MBD3L2B: variants seen among roughly 807,000 people sequenced by gnomAD.
MBD3L2B encodes the protein methyl-CpG-binding domain protein 3-like 2B.
For synonymous variants in MBD3L2B, 50 were observed against 31.6 expected, an observed-to-expected ratio of 1.58 and a Z score of -1.95; for missense variants, 127 against 78.7, an observed-to-expected ratio of 1.61 and a Z score of -2.32.
rs1270985767 is a variant in MBD3L2B, at chr19:7,019,320, C to A, written c.456G>T (p.Gly152=). The change falls in exon 2 of 2, where the codon GGG becomes GGT. Residue 152 remains glycine, a synonymous_variant. Transcript: ENST00000636986. The stretch of plus-strand genomic sequence containing the variant: ...GCTGACAACCCATTCCTGGGGTTGG[C>A]CCCCCTGCCACAGCTGGAAACCGCC... ...TPGRFPAVAG[G]PTPGMGCQLP... The A allele has an allele frequency of 4.4e-6, 3 of 688,668 alleles. No individual in the cohort carries two copies. Among genetic ancestry groups the A allele is most frequent in the Non-Finnish European group, 8.0e-6 (3 of 376,758 alleles). 42.7% of individuals were successfully genotyped at this position (688,668 alleles called of 1,614,324 possible).
At position 7,019,450 on chromosome 19, in the gene MBD3L2B, A is replaced by G. The variant is rs1250209515; in HGVS notation, c.326T>C (p.Leu109Pro). 6 of 549,878 alleles carry G rather than the reference A, an allele frequency of 1.1e-5. No homozygotes were observed. Among genetic ancestry groups the G allele is most frequent in the Non-Finnish European group, 1.9e-5 (6 of 314,658 alleles). The allele number at this position is 549,878 out of a possible 1,614,324, so 34.1% of individuals were successfully genotyped here. A position where few individuals can be genotyped will look rare whatever the true frequency, so the allele number is the denominator to read the frequency against. The change falls in exon 2 of 2, where the codon CTG becomes CCG. Residue 109 changes from leucine to proline, a missense_variant. Physicochemically the swap from Leu to Pro is moderately conservative, Grantham distance 98 (BLOSUM62 -3). Transcript: ENST00000636986. ...CSSQGEGSSP[L>P]HLESVLSILA... is the part of the protein sequence containing the mutation. Reference sequence around the variant, plus strand: ...GATACTTAAGACGCTCTCCAAATGCAGTGGACTTGAACCTTCTCCTTGGCT... The same window carrying G: ...GATACTTAAGACGCTCTCCAAATGCGGTGGACTTGAACCTTCTCCTTGGCT...
In MBD3L2B at chr19:7,019,249, C is replaced by T. The variant is rs543973148; in HGVS notation, c.527G>A (p.Arg176Gln). The T allele has an allele frequency of 9.3e-4, 665 of 716,078 alleles. 5 individuals carry two copies. The highest frequency in any genetic ancestry group is 6.3e-3 in the South Asian group (427 of 67,458). 44.4% of individuals were successfully genotyped at this position (716,078 alleles called of 1,614,324 possible). Residue 176 changes from arginine to glutamine, a missense_variant, in exon 2 of 2, where the codon CGG becomes CAG. Coordinates refer to ENST00000636986, the MANE Select transcript of MBD3L2B (RefSeq NM_001364674.2). Reference protein sequence around the residue: ...SGQLVTPADIRRQARRVKKAR... With the variant: ...SGQLVTPADIQRQARRVKKAR... ...TTTCTTCACCCTCCTGGCCTGTCTC[C>T]GGATATCTGCAGGAGTCACCAATTG...
Position 7,019,109 on chromosome 19 carries a change from G to T in MBD3L2B, c.*52C>A. 1 of 717,986 alleles carries T rather than the reference G, an allele frequency of 1.4e-6. No homozygotes were observed. Among genetic ancestry groups the T allele is most frequent in the Non-Finnish European group, 2.6e-6 (1 of 385,032 alleles). The allele number at this position is 717,986 out of a possible 1,614,324, so 44.5% of individuals were successfully genotyped here. On this transcript the variant is annotated 3_prime_UTR_variant, in exon 2 of 2. Transcript: ENST00000636986. Reference sequence around the variant, plus strand: ...CACTGACTCACCCCCCAACTGCGGGGCCACACCCCACAGCTTCTCAGCACC... The same window carrying T: ...CACTGACTCACCCCCCAACTGCGGGTCCACACCCCACAGCTTCTCAGCACC...
Position 7,019,055 on chromosome 19 carries a change from G to T in MBD3L2B, c.*106C>A. ...GCAGGAAAGAGGACGGGCATTAAAA[G>T]ATAGGGATTCAAAACCCAGGACTGT... On this transcript the variant is annotated 3_prime_UTR_variant, in exon 2 of 2. Transcript: ENST00000636986. The T allele has an allele frequency of 1.4e-6, 1 of 706,568 alleles. No individual in the cohort carries two copies. The highest frequency in any genetic ancestry group is 2.6e-6 in the Non-Finnish European group (1 of 380,718). 43.8% of individuals were successfully genotyped at this position (706,568 alleles called of 1,614,324 possible).
At position 7,019,064 on chromosome 19, in the gene MBD3L2B, TC is replaced by T; in HGVS notation, c.*96del. The T allele has an allele frequency of 7.1e-6, 5 of 709,126 alleles. No individual in the cohort carries two copies. The South Asian group carries it at 7.4e-5, about 11-fold the overall frequency. The allele number at this position is 709,126 out of a possible 1,614,324, so 43.9% of individuals were successfully genotyped here. ...AGGACGGGCATTAAAAGATAGGGAT[TC>T]AAAACCCAGGACTGTCCCCACTGAC... is the stretch of plus-strand genomic sequence containing the variant. On this transcript the variant is annotated 3_prime_UTR_variant, in exon 2 of 2. Transcript: ENST00000636986.
In MBD3L2B at chr19:7,019,562, C is replaced by G. The variant is rs1192005337; in HGVS notation, c.214G>C (p.Val72Leu). The change falls in exon 2 of 2, where the codon GTC becomes CTC. Residue 72 changes from valine (V) to leucine (L), a missense_variant. Physicochemically the swap from Val to Leu is conservative, Grantham distance 32 (BLOSUM62 1). Transcript: ENST00000636986. ...TGCTCGTCCCCTTTTCTGCGTCTGA[C>G]CTGGTTGTCAGGATGAGACCTGATC... ...TRIRSHPDNQ[V>L]RRRKGDEHLE... 2.3e-6 allele frequency: 1 copy of G among 443,858 alleles called. No homozygotes were observed. The highest frequency in any genetic ancestry group is 2.2e-5 in the South Asian group (1 of 45,370). 27.5% of individuals were successfully genotyped at this position (443,858 alleles called of 1,614,324 possible).
Position 7,019,040 on chromosome 19 carries a change from G to C in MBD3L2B, c.*121C>G. ...GTGTGACAATTCATAGCAGGAAAGA[G>C]GACGGGCATTAAAAGATAGGGATTC... is the stretch of plus-strand genomic sequence containing the variant. On this transcript the variant is annotated 3_prime_UTR_variant, in exon 2 of 2. Transcript: ENST00000636986. 1.4e-6 allele frequency: 1 copy of C among 697,026 alleles called. No individual in the cohort carries two copies. The highest frequency in any genetic ancestry group is 2.6e-6 in the Non-Finnish European group (1 of 377,744). The allele number at this position is 697,026 out of a possible 1,614,324, so 43.2% of individuals were successfully genotyped here.
chr19:7,020,255 CACA>C, intron 1 of MBD3L2B, among the ~76,000 whole-genome samples: 1 of 71,884 alleles, frequency 1.4e-5, no homozygotes, highest in Non-Finnish European at 3.6e-5. Flanking sequence ...TGCTTCAGGA[CACA>C]ACGTCATTTT....
chr19:7,019,389 T>G lies in MBD3L2B; in HGVS notation c.387A>C (p.Arg129Ser). 1.5e-6 allele frequency: 1 copy of G among 645,656 alleles called. No individual in the cohort carries two copies. Among genetic ancestry groups the G allele is most frequent in the Non-Finnish European group, 2.8e-6 (1 of 358,188 alleles). 40.0% of individuals were successfully genotyped at this position (645,656 alleles called of 1,614,324 possible). ...APGTAGESLD[R>S]AGAERVRSPL... The stretch of plus-strand genomic sequence containing the variant: ...GGCTGCGCACACGCTCAGCACCAGC[T>G]CTGTCCAGAGATTCACCGGCCGTCC... Residue 129 changes from arginine to serine, a missense_variant, in exon 2 of 2, where the codon AGA becomes AGC. Transcript: ENST00000636986.
chr19:7,018,969 T>C lies in MBD3L2B; in HGVS notation c.*192A>G. ...ACAAAACCATCCACTCCTTACACTG[T>C]TGCCTTTCAAATGCTTTTAATAAAG... On this transcript the variant is annotated 3_prime_UTR_variant, in exon 2 of 2. Transcript: ENST00000636986. 1 of 651,224 alleles carries C rather than the reference T, an allele frequency of 1.5e-6. No homozygotes were observed. Among genetic ancestry groups the C allele is most frequent in the Non-Finnish European group, 2.8e-6 (1 of 362,486 alleles). 40.3% of individuals were successfully genotyped at this position (651,224 alleles called of 1,614,324 possible).
In MBD3L2B at chr19:7,019,194, C is replaced by G. The variant is rs564957599; in HGVS notation, c.582G>C (p.Gln194His). 1.4e-6 allele frequency: 1 copy of G among 718,888 alleles called. No homozygotes were observed. Among genetic ancestry groups the G allele is most frequent in the Non-Finnish European group, 2.6e-6 (1 of 385,356 alleles). The allele number at this position is 718,888 out of a possible 1,614,324, so 44.5% of individuals were successfully genotyped here. ...KARERLAKAL[Q>H]ADRLARRAEM is the part of the protein sequence containing the mutation. ...CTGCCCGCCTGGCCAGCCTGTCTGCCTGCAAGGCCTTGGCCAGTCTCTCCC... is the reference window on the plus strand; with the variant it reads ...CTGCCCGCCTGGCCAGCCTGTCTGCGTGCAAGGCCTTGGCCAGTCTCTCCC... Residue 194 changes from glutamine to histidine, a missense_variant, in exon 2 of 2, where the codon CAG (glutamine) becomes CAC (histidine). Physicochemically the swap from Gln to His is conservative, Grantham distance 24. Coordinates refer to ENST00000636986, the MANE Select transcript of MBD3L2B (RefSeq NM_001364674.2).
Position 7,019,030 on chromosome 19 carries a change from G to A in MBD3L2B, c.*131C>T, listed in dbSNP as rs1976758848. 2.9e-6 allele frequency: 2 copies of A among 688,576 alleles called. No individual in the cohort carries two copies. Among genetic ancestry groups the A allele is most frequent in the African/African-American group, 3.5e-5 (2 of 56,984 alleles). 42.7% of individuals were successfully genotyped at this position (688,576 alleles called of 1,614,324 possible). On this transcript the variant is annotated 3_prime_UTR_variant, in exon 2 of 2. Coordinates refer to ENST00000636986, the MANE Select transcript of MBD3L2B (RefSeq NM_001364674.2). ...GAAGTACAAAGTGTGACAATTCATA[G>A]CAGGAAAGAGGACGGGCATTAAAAG...
chr19:7,019,352 T>A lies in MBD3L2B; in HGVS notation c.424A>T (p.Thr142Ser), dbSNP rs1384611853. 1 of 677,836 alleles carries A rather than the reference T, an allele frequency of 1.5e-6. No individual in the cohort carries two copies. Among genetic ancestry groups the A allele is most frequent in the Admixed American group, 2.1e-5 (1 of 47,880 alleles). 42.0% of individuals were successfully genotyped at this position (677,836 alleles called of 1,614,324 possible). A position where few individuals can be genotyped will look rare whatever the true frequency, so the allele number is the denominator to read the frequency against. ...AERVRSPLEPTPGRFPAVAGG... is the reference protein window; with the variant it reads ...AERVRSPLEPSPGRFPAVAGG... ...GCCACAGCTGGAAACCGCCCAGGGGTGGGCTCAAGCGGGCTGCGCACACGC... is the reference window on the plus strand; with the variant it reads ...GCCACAGCTGGAAACCGCCCAGGGGAGGGCTCAAGCGGGCTGCGCACACGC... Residue 142 changes from threonine (T) to serine (S), a missense_variant, in exon 2 of 2, where the codon ACC (threonine) becomes TCC (serine). Coordinates refer to ENST00000636986, the MANE Select transcript of MBD3L2B (RefSeq NM_001364674.2).
At position 7,018,997 on chromosome 19, in the gene MBD3L2B, C is replaced by G. The variant is rs1305888712; in HGVS notation, c.*164G>C. Reference sequence around the variant, plus strand: ...CCTTTCAAATGCTTTTAATAAAGAACTGGTGGGGAAGTACAAAGTGTGACA... The same window carrying G: ...CCTTTCAAATGCTTTTAATAAAGAAGTGGTGGGGAAGTACAAAGTGTGACA... On this transcript the variant is annotated 3_prime_UTR_variant, in exon 2 of 2. Coordinates refer to ENST00000636986, the MANE Select transcript of MBD3L2B (RefSeq NM_001364674.2). 3 of 661,514 alleles carry G rather than the reference C, an allele frequency of 4.5e-6. No homozygotes were observed. The highest frequency in any genetic ancestry group is 5.5e-6 in the Non-Finnish European group (2 of 365,672). 41.0% of individuals were successfully genotyped at this position (661,514 alleles called of 1,614,324 possible).
chr19:7,019,830 CCT>C lies in MBD3L2B; in HGVS notation c.46-102_46-101del. ...CAGCTCAGTGGAATCTTCCCACCAGCCTCTCTTTCTGGGGAAATGTGTCTCAA... is the reference window on the plus strand; with the variant it reads ...CAGCTCAGTGGAATCTTCCCACCAGCCTCTTTCTGGGGAAATGTGTCTCAA... On this transcript the variant is annotated intron_variant, in intron 1 of 1. Transcript: ENST00000636986. 7.2e-5 allele frequency: 6 copies of C among 83,686 alleles called. No homozygotes were observed. In the Admixed American group the frequency reaches 7.5e-4, roughly 10 times the overall value. The allele number at this position is 83,686 out of a possible 1,614,324, so 5.2% of individuals were successfully genotyped here.
intron 1 of MBD3L2B, among the ~76,000 whole-genome samples, chr19:7,020,664 G>T (rs2145128203): frequency 5.8e-5 from 1 of 17,128 alleles, no homozygotes; most frequent in Middle Eastern, 0.019. Flanking sequence ...CCTTTGGAGG[G>T]AAAATTATTT....
chr19:7,019,436 C>A lies in MBD3L2B; in HGVS notation c.340G>T (p.Val114Phe). The A allele has an allele frequency of 1.7e-6, 1 of 573,788 alleles. No homozygotes were observed. Among genetic ancestry groups the A allele is most frequent in the Non-Finnish European group, 3.1e-6 (1 of 326,032 alleles). 35.5% of individuals were successfully genotyped at this position (573,788 alleles called of 1,614,324 possible). ...GTCCCCGGTGCAAGGATACTTAAGA[C>A]GCTCTCCAAATGCAGTGGACTTGAA... ...EGSSPLHLES[V>F]LSILAPGTAG... Residue 114 changes from valine (V) to phenylalanine (F), a missense_variant, in exon 2 of 2, where the codon GTC (valine) becomes TTC (phenylalanine). Coordinates refer to ENST00000636986, the MANE Select transcript of MBD3L2B (RefSeq NM_001364674.2).
chr19:7,019,099 C>T lies in MBD3L2B; in HGVS notation c.*62G>A, dbSNP rs1976760516. 2 of 717,684 alleles carry T rather than the reference C, an allele frequency of 2.8e-6. No individual in the cohort carries two copies. Among genetic ancestry groups the T allele is most frequent in the Non-Finnish European group, 5.2e-6 (2 of 384,926 alleles). 44.5% of individuals were successfully genotyped at this position (717,684 alleles called of 1,614,324 possible). A position where few individuals can be genotyped will look rare whatever the true frequency, so the allele number is the denominator to read the frequency against. On this transcript the variant is annotated 3_prime_UTR_variant, in exon 2 of 2. Transcript: ENST00000636986. ...GGACTGTCCCCACTGACTCACCCCC[C>T]AACTGCGGGGCCACACCCCACAGCT...
At position 7,019,634 on chromosome 19, in the gene MBD3L2B, G is replaced by A. The variant is rs1976770652; in HGVS notation, c.142C>T (p.Leu48Phe). ...AHRRRAARSA[L>F]PMRLTSCIFR... ...ATGCAGCTGGTGAGTCTCATGGGGA[G>A]AGCAGACCTCGCAGCTCGTCTCCGA... Residue 48 changes from leucine (L) to phenylalanine (F), a missense_variant, in exon 2 of 2, where the codon CTC (leucine) becomes TTC (phenylalanine). Coordinates refer to ENST00000636986, the MANE Select transcript of MBD3L2B (RefSeq NM_001364674.2). 1 of 392,836 alleles carries A rather than the reference G, an allele frequency of 2.5e-6. No individual in the cohort carries two copies. Among genetic ancestry groups the A allele is most frequent in the African/African-American group, 8.6e-5 (1 of 11,690 alleles). The allele number at this position is 392,836 out of a possible 1,614,324, so 24.3% of individuals were successfully genotyped here.
Sources: allele counts gnomAD v4.1 joint callset (sites outside exome capture counted in the v4.1 genomes callset), GRCh38; gene constraint gnomAD v4.1.1; transcripts MANE v1.5; gene names NCBI Gene and HGNC (gene_info 2026-07-23, HGNC 2026-07-21).